Variants in DLG1 observed in about 807,000 individuals in gnomAD.
The protein encoded by DLG1 is discs large MAGUK scaffold protein 1.
In DLG1, 42 loss-of-function variants were observed where a neutral mutation model predicts 123.4. The ratio of observed to expected loss-of-function variants is 0.34; its 90% confidence interval spans 0.27 to 0.44. The LOEUF (loss-of-function observed/expected upper bound fraction) is 0.44, where lower values mean the gene tolerates loss of function less well. Ranked by LOEUF, DLG1 falls within the 20% of genes least tolerant of loss-of-function variation. DLG1 has a pLI of 1.00. For missense variants in DLG1, 942 were observed against 1,082.6 expected, an observed-to-expected ratio of 0.87 and a Z score of 1.82; for synonymous variants, 317 against 356.2, an observed-to-expected ratio of 0.89 and a Z score of 1.24.
chr3:197,093,832 GT>G (rs1759150167), intron 14 of DLG1, among the ~76,000 whole-genome samples: 1 of 152,102 alleles, frequency 6.6e-6, no homozygotes, highest in Non-Finnish European at 1.5e-5. Flanking sequence ...ACATGCTCTT[GT>G]ACACTGTGAC....
At position 197,147,145 on chromosome 3, in the gene DLG1, T is replaced by A. The variant is rs186451633; in HGVS notation, c.537+2598A>T. On this transcript the variant is annotated intron_variant, in intron 6 of 24. Coordinates refer to ENST00000667157, the MANE Select transcript of DLG1 (RefSeq NM_001366207.1). Reference sequence around the variant, plus strand: ...TCATAAAAAAATAAAAAAAAATAGATGTTGGCGTGGATGCAGTGAAAAGGA... The same window carrying A: ...TCATAAAAAAATAAAAAAAAATAGAAGTTGGCGTGGATGCAGTGAAAAGGA... Among the ~76,000 whole-genome samples, 31 of 152,048 alleles carry A rather than the reference T, an allele frequency of 2.0e-4. No individual in the cohort carries two copies. In the South Asian group the frequency reaches 6.2e-3, roughly 31 times the overall value.
At chr3:197,245,904 G>GC (rs1208447833) in intron 4 of DLG1, among the ~76,000 whole-genome samples, 3 of 142,290 alleles carry the variant, frequency 2.1e-5, no homozygotes, top group African/African-American at 5.1e-5. Flanking sequence ...TTTTTTTGGG[G>GC]GGGGGGGAGG....
intron 5 of DLG1, among the ~76,000 whole-genome samples, chr3:197,183,407 T>G (rs933300696): frequency 2.0e-5 from 3 of 151,908 alleles, no homozygotes; most frequent in African/African-American, 7.3e-5. Flanking sequence ...ATATTTCTTG[T>G]TCCCCCTTTT....
intron 4 of DLG1, among the ~76,000 whole-genome samples, chr3:197,256,300 C>G (rs1328868521): frequency 3.3e-5 from 5 of 152,266 alleles, no homozygotes; most frequent in Admixed American, 6.5e-5. Context: ...AGCACTAAAG[C>G]AGCCATACAA....
At chr3:197,210,137 C>CT (rs1730581839) in intron 4 of DLG1, among the ~76,000 whole-genome samples, 1 of 145,196 alleles carries the variant, frequency 6.9e-6, no homozygotes, top group Admixed American at 7.0e-5. Context: ...GGGTTCTGAA[C>CT]TATTAACAAA....
chr3:197,123,614 G>C (rs1310556265), intron 11 of DLG1, among the ~76,000 whole-genome samples: 2 of 152,146 alleles, frequency 1.3e-5, no homozygotes, highest in Admixed American at 6.6e-5. Context: ...ATAATACCAA[G>C]GGTTGGTGAG....
intron 23 of DLG1, among the ~76,000 whole-genome samples, chr3:197,054,662 G>T (rs1369497910): frequency 6.7e-6 from 1 of 149,668 alleles, no homozygotes; most frequent in Non-Finnish European, 1.5e-5. Context: ...TTATCTTTTT[G>T]GAGACAAGGT....
intron 13 of DLG1, among the ~76,000 whole-genome samples, chr3:197,110,769 A>G (rs116740878): frequency 2.0e-5 from 3 of 152,190 alleles, no homozygotes; most frequent in Admixed American, 1.3e-4. Context: ...GACTGAATAC[A>G]TATTTCCTTA....
intron 3 of DLG1, among the ~76,000 whole-genome samples, chr3:197,295,599 TAGG>T (rs574777393): frequency 1.6e-4 from 24 of 152,280 alleles, no homozygotes; most frequent in African/African-American, 5.8e-4. Flanking sequence ...GTTTTATACA[TAGG>T]AGATTATACA....
chr3:197,071,602 T>C (rs1353200551), intron 18 of DLG1, among the ~76,000 whole-genome samples: 2 of 152,190 alleles, frequency 1.3e-5, no homozygotes, highest in Non-Finnish European at 1.5e-5. Context: ...AAAAATAAAA[T>C]GTTTTTCTTC....
chr3:197,180,390 T>C (rs924899176), intron 5 of DLG1, among the ~76,000 whole-genome samples: 1 of 152,022 alleles, frequency 6.6e-6, no homozygotes, highest in Non-Finnish European at 1.5e-5. Context: ...TGAGTGACCC[T>C]CAACACAAGA....
chr3:197,216,269 T>C lies in DLG1; in HGVS notation c.319-21680A>G, dbSNP rs540059491. ...TCTCTCCTTTTTTTTACTTAAGCTT[T>C]TGCTGAACACAGTTAAGAATTCAAA... On this transcript the variant is annotated intron_variant, in intron 4 of 24. Coordinates refer to ENST00000667157, the MANE Select transcript of DLG1 (RefSeq NM_001366207.1). 9.8e-5 allele frequency among the ~76,000 whole-genome samples: 15 copies of C among 152,358 alleles called. No individual in the cohort carries two copies. In the East Asian group the frequency reaches 2.9e-3, roughly 29 times the overall value.
chr3:197,124,035 C>T (rs1006591785), intron 11 of DLG1, among the ~76,000 whole-genome samples: 3 of 152,146 alleles, frequency 2.0e-5, no homozygotes, highest in African/African-American at 7.2e-5. Flanking sequence ...GGCAGGATCA[C>T]TTGAGGTTAG....
chr3:197,139,033 T>C (rs1786558433), intron 8 of DLG1, among the ~76,000 whole-genome samples: 1 of 152,240 alleles, frequency 6.6e-6, no homozygotes, highest in African/African-American at 2.4e-5. Context: ...AAGTTATTTT[T>C]TGAAATTTAT....
chr3:197,089,955 A>C (rs896083938), intron 15 of DLG1, among the ~76,000 whole-genome samples: 1 of 152,206 alleles, frequency 6.6e-6, no homozygotes, highest in African/African-American at 2.4e-5. Context: ...AAAGTGAGAA[A>C]GGTTTGCTTT....
Position 197,194,393 on chromosome 3 carries a change from T to C in DLG1, c.483+32A>G, listed in dbSNP as rs377357455. On this transcript the variant is annotated intron_variant, in intron 5 of 24. Coordinates refer to ENST00000667157, the MANE Select transcript of DLG1 (RefSeq NM_001366207.1). The stretch of plus-strand genomic sequence containing the variant: ...TATGTATAACAAAAGTAATATGTAA[T>C]TCATAACAATAATAAATAGATACTA... The C allele has an allele frequency of 2.8e-6, 4 of 1,421,658 alleles. No individual in the cohort carries two copies. The African/African-American group carries it at 5.9e-5, about 21-fold the overall frequency. The allele number at this position is 1,421,658 out of a possible 1,614,324, so 88.1% of individuals were successfully genotyped here. A position where few individuals can be genotyped will look rare whatever the true frequency, so the allele number is the denominator to read the frequency against.
intron 4 of DLG1, among the ~76,000 whole-genome samples, chr3:197,242,210 T>C (rs772824468): frequency 4.0e-5 from 6 of 151,832 alleles, no homozygotes; most frequent in Admixed American, 6.6e-5. Context: ...AAGGTCACTA[T>C]ATGATGATAA....
chr3:197,063,897 A>C (rs977470180), intron 22 of DLG1, among the ~76,000 whole-genome samples: 3 of 151,866 alleles, frequency 2.0e-5, no homozygotes, highest in African/African-American at 7.3e-5. Flanking sequence ...ATAGGGGAGA[A>C]ATTGAATTTA....
intron 18 of DLG1, 43 bp downstream of exon 18, chr3:197,076,543 T>C: frequency 6.7e-7 from 1 of 1,493,682 alleles, no homozygotes; most frequent in Non-Finnish European, 9.3e-7. Flanking sequence ...AGTAGGTCCC[T>C]CTCCATTTTA....
Sources: gnomAD v4.1 joint callset for allele counts (sites outside exome capture counted in the v4.1 genomes callset) on GRCh38, gnomAD v4.1.1 for gene constraint, MANE v1.5 for transcripts, NCBI Gene and HGNC (gene_info 2026-07-23, HGNC 2026-07-21) for gene names.